SELPLG: variants seen among roughly 807,000 people sequenced by gnomAD.
The protein encoded by SELPLG is P-selectin glycoprotein ligand 1.
Under a neutral mutation model 1.1 loss-of-function variants are expected in SELPLG, and 2 were observed. The ratio of observed to expected loss-of-function variants is 1.82; its 90% CI spans 0.74 to 5.71. The LOEUF (loss-of-function observed/expected upper bound fraction) is 5.71. Ranked by LOEUF, SELPLG falls within the 30% of genes most tolerant of loss-of-function variation. The probability of loss-of-function intolerance (pLI) is 0.05; values close to 1 mark genes in which losing one functional copy is unlikely to be tolerated. For synonymous variants in SELPLG, 230 were observed against 221.2 expected, an observed-to-expected ratio of 1.04 and a Z score of -0.35; for missense variants, 478 against 524.7, an observed-to-expected ratio of 0.91 and a Z score of 0.87.
At chr12:108,629,752 G>T (rs1435005393) in intron 1 of SELPLG, among the ~76,000 whole-genome samples, 1 of 152,102 alleles carries the variant, frequency 6.6e-6, no homozygotes, top group Non-Finnish European at 1.5e-5. Flanking sequence ...AAAACCCGAG[G>T]CTCTGAGAGA....
intron 1 of SELPLG, among the ~76,000 whole-genome samples, chr12:108,629,763 T>C (rs8179123): frequency 0.036 from 5,519 of 152,198 alleles, 351 homozygotes; most frequent in African/African-American, 0.13. Flanking sequence ...CTCTGAGAGA[T>C]CTTGTCTCAG....
chr12:108,631,106 G>A (rs756748053), intron 1 of SELPLG, among the ~76,000 whole-genome samples: 7 of 152,164 alleles, frequency 4.6e-5, no homozygotes, highest in Admixed American at 2.0e-4. Flanking sequence ...GCAGGGGAAC[G>A]TGCACAGAAC....
chr12:108,631,759 C>A, intron 1 of SELPLG: 1 of 877,918 alleles, frequency 1.1e-6, no homozygotes, highest in East Asian at 2.7e-5. Context: ...TTCAATGAGA[C>A]CTACATCTGG....
At chr12:108,626,975 C>G (rs1291778859) in intron 1 of SELPLG, among the ~76,000 whole-genome samples, 1 of 152,110 alleles carries the variant, frequency 6.6e-6, no homozygotes, top group African/African-American at 2.4e-5. Flanking sequence ...CGTGGTGGTG[C>G]TCCCTGTAAT....
chr12:108,622,924 G>T lies in SELPLG; in HGVS notation c.*145C>A. ...CCCCAGGCTGCTCTTGTCCTGTTTG[G>T]GTGGCCAGAGTTCCTTCCCTGAAGA... is the stretch of plus-strand genomic sequence containing the variant. On this transcript the variant is annotated 3_prime_UTR_variant, in exon 2 of 2. Transcript: ENST00000550948. 1 of 819,906 alleles carries T rather than the reference G, an allele frequency of 1.2e-6. No individual in the cohort carries two copies. The allele number at this position is 819,906 out of a possible 1,614,324, so 50.8% of individuals were successfully genotyped here.
chr12:108,631,943 T>C lies in SELPLG; in HGVS notation c.-6+1797A>G, dbSNP rs567016506. The C allele has an allele frequency of 1.3e-4, 195 of 1,535,464 alleles. 4 individuals are homozygous for C. The South Asian group carries it at 2.2e-3, about 17-fold the overall frequency. Reference sequence around the variant, plus strand: ...AGCAAAGGAAGCCGAGACACAGGCCTAGGGTCACCACGAACTCCATGGGCA... The same window carrying C: ...AGCAAAGGAAGCCGAGACACAGGCCCAGGGTCACCACGAACTCCATGGGCA... On this transcript the variant is annotated intron_variant, in intron 1 of 1. Transcript: ENST00000550948.
rs973730243 is a variant in SELPLG at position 108,633,744 on chromosome 12, G to C, written c.-10C>G. The C allele has an allele frequency of 6.6e-6, 1 of 152,282 alleles. No individual in the cohort carries two copies. The highest frequency in any genetic ancestry group is 1.5e-5 in the Non-Finnish European group (1 of 68,114). The allele number at this position is 152,282 out of a possible 1,614,324, so 9.4% of individuals were successfully genotyped here. A position where few individuals can be genotyped will look rare whatever the true frequency, so the allele number is the denominator to read the frequency against. Reference sequence around the variant, plus strand: ...GTTTTGCAAGCCAGCACTTACCACCGTGCTCAGCAGAGCATGGGACAGCTG... The same window carrying C: ...GTTTTGCAAGCCAGCACTTACCACCCTGCTCAGCAGAGCATGGGACAGCTG... On this transcript the variant is annotated 5_prime_UTR_variant, in exon 1 of 2. Transcript: ENST00000550948.
intron 1 of SELPLG, among the ~76,000 whole-genome samples, chr12:108,625,788 G>C (rs1404160765): frequency 6.6e-6 from 1 of 152,164 alleles, no homozygotes; most frequent in Non-Finnish European, 1.5e-5. Flanking sequence ...CCTTGGCACT[G>C]GCTGGTGTTT....
intron 1 of SELPLG, among the ~76,000 whole-genome samples, chr12:108,625,483 T>C (rs1344671292): frequency 6.6e-6 from 1 of 152,236 alleles, no homozygotes; most frequent in Non-Finnish European, 1.5e-5. Context: ...CTGGCTGATT[T>C]AGTTCTTTCA....
intron 1 of SELPLG, among the ~76,000 whole-genome samples, chr12:108,629,571 A>T (rs1367135279): frequency 2.6e-5 from 4 of 152,162 alleles, no homozygotes; most frequent in Non-Finnish European, 5.9e-5. Flanking sequence ...TTAGCCAGGT[A>T]TGCTGGTGAT....
chr12:108,627,893 G>A (rs150957394), intron 1 of SELPLG, among the ~76,000 whole-genome samples: 82 of 152,244 alleles, frequency 5.4e-4, no homozygotes, highest in Admixed American at 1.4e-3. Flanking sequence ...GGGCAACATG[G>A]TGAAGCCCTG....
chr12:108,631,774 T>C (rs549521650), intron 1 of SELPLG: 3 of 1,003,758 alleles, frequency 3.0e-6, no homozygotes, highest in African/African-American at 1.6e-5. Flanking sequence ...ATCTGGTTAG[T>C]TGAACAACTG....
At position 108,622,961 on chromosome 12, in the gene SELPLG, A is replaced by C; in HGVS notation, c.*108T>G. 1 of 1,194,140 alleles carries C rather than the reference A, an allele frequency of 8.4e-7. No individual in the cohort carries two copies. Among genetic ancestry groups the C allele is most frequent in the African/African-American group, 1.5e-5 (1 of 65,136 alleles). The allele number at this position is 1,194,140 out of a possible 1,614,324, so 74.0% of individuals were successfully genotyped here. ...TCCTTCCCTGAAGATCCCCATCCCCAGGGGTCTCCGAGGAAGCCCAGAGCT... is the reference window on the plus strand; with the variant it reads ...TCCTTCCCTGAAGATCCCCATCCCCCGGGGTCTCCGAGGAAGCCCAGAGCT... On this transcript the variant is annotated 3_prime_UTR_variant, in exon 2 of 2. Coordinates refer to ENST00000550948, the MANE Select transcript of SELPLG (RefSeq NM_003006.4).
intron 1 of SELPLG, among the ~76,000 whole-genome samples, chr12:108,627,698 G>A (rs1031580471): frequency 6.6e-6 from 1 of 152,228 alleles, no homozygotes; most frequent in East Asian, 1.9e-4. Flanking sequence ...AGGACTTTGG[G>A]AAGCCAAGGC....
chr12:108,632,348 G>C (rs1353191863), intron 1 of SELPLG, among the ~76,000 whole-genome samples: 1 of 151,948 alleles, frequency 6.6e-6, no homozygotes, highest in African/African-American at 2.4e-5. Flanking sequence ...GAAAGAGGAA[G>C]AGAATTCCAG....
intron 1 of SELPLG, chr12:108,632,100 GC>G: frequency 1.6e-6 from 1 of 623,922 alleles, no homozygotes. Context: ...TCCTCTGAAT[GC>G]CCCACTCTGG....
At chr12:108,627,354 G>T (rs1355658777) in intron 1 of SELPLG, among the ~76,000 whole-genome samples, 2 of 152,180 alleles carry the variant, frequency 1.3e-5, no homozygotes, top group Non-Finnish European at 2.9e-5. Context: ...TGTGGACTTG[G>T]GTGGGAGAGG....
chr12:108,629,110 C>A lies in SELPLG; in HGVS notation c.-6+4630G>T, dbSNP rs564829253. On this transcript the variant is annotated intron_variant, in intron 1 of 1. Transcript: ENST00000550948. ...GGTATGGAGATGGCGGCCTCTCTAC[C>A]TCCCCTGTGGGTGTTTGGGCTTTGA... Among the ~76,000 whole-genome samples the A allele has an allele frequency of 1.1e-4, 16 of 152,294 alleles. 1 individual carries two copies. In the East Asian group the frequency reaches 3.1e-3, roughly 29 times the overall value.
intron 1 of SELPLG, among the ~76,000 whole-genome samples, chr12:108,627,279 G>A (rs556505902): frequency 1.2e-4 from 18 of 152,308 alleles, no homozygotes; most frequent in African/African-American, 4.1e-4. Context: ...AACCCAGTGA[G>A]GTTCAGGAAG....
Sources: allele counts gnomAD v4.1 joint callset (sites outside exome capture counted in the v4.1 genomes callset), GRCh38; gene constraint gnomAD v4.1.1; transcripts MANE v1.5; gene names NCBI Gene and HGNC (gene_info 2026-07-23, HGNC 2026-07-21).